R3HCC1L: variants seen among roughly 807,000 people sequenced by gnomAD.
R3HCC1L encodes the protein R3H domain and coiled-coil containing 1 like, also known as coiled-coil domain-containing protein R3HCC1L.
Under a neutral mutation model 59.9 loss-of-function variants are expected in R3HCC1L, and 51 were observed. The ratio of observed to expected loss-of-function variants is 0.85; its 90% confidence interval spans 0.68 to 1.07. R3HCC1L has a LOEUF of 1.07. Ranked by LOEUF, R3HCC1L falls within the 50% of genes least tolerant of loss-of-function variation. R3HCC1L has a pLI of 0.00. For synonymous variants in R3HCC1L, 322 were observed against 315.2 expected (o/e 1.02, Z -0.23); for missense variants, 965 against 933.0 (o/e 1.03, Z -0.45).
intron 5 of R3HCC1L, among the ~76,000 whole-genome samples, chr10:98,230,066 G>A (rs1185365878): frequency 6.6e-6 from 1 of 152,134 alleles, no homozygotes; most frequent in Non-Finnish European, 1.5e-5. Context: ...TCTCTGCCAG[G>A]CTTTGGTATC....
intron 4 of R3HCC1L, among the ~76,000 whole-genome samples, chr10:98,171,964 A>T (rs945682853): frequency 2.0e-5 from 3 of 152,210 alleles, no homozygotes; most frequent in African/African-American, 7.2e-5. Flanking sequence ...TTTAATATGT[A>T]TGCAAGAGAG....
At chr10:98,193,277 A>G (rs1398842044) in intron 4 of R3HCC1L, among the ~76,000 whole-genome samples, 1 of 152,134 alleles carries the variant, frequency 6.6e-6, no homozygotes, top group African/African-American at 2.4e-5. Context: ...TAGAGCAGTT[A>G]GACGAGAAAA....
intron 1 of R3HCC1L, among the ~76,000 whole-genome samples, chr10:98,141,193 T>C (rs937932893): frequency 6.6e-6 from 1 of 152,250 alleles, no homozygotes; most frequent in African/African-American, 2.4e-5. Flanking sequence ...GTACCCATTT[T>C]ATTCTCTTCC....
At chr10:98,148,103 T>C (rs1318222293) in intron 1 of R3HCC1L, among the ~76,000 whole-genome samples, 1 of 152,148 alleles carries the variant, frequency 6.6e-6, no homozygotes, top group Non-Finnish European at 1.5e-5. Context: ...TTTTATAATG[T>C]TCCTTGTATA....
At chr10:98,197,444 C>G (rs1851562289) in intron 4 of R3HCC1L, among the ~76,000 whole-genome samples, 1 of 152,108 alleles carries the variant, frequency 6.6e-6, no homozygotes. Context: ...GTATTTTCAT[C>G]TCTGCTCCAT....
In R3HCC1L at chr10:98,234,514, C is replaced by G. The variant is rs1225033853; in HGVS notation, c.2030C>G (p.Thr677Arg). 2.5e-6 allele frequency: 4 copies of G among 1,610,438 alleles called. No individual in the cohort carries two copies. The highest frequency in any genetic ancestry group is 3.4e-6 in the Non-Finnish European group (4 of 1,177,182). Reference protein sequence around the residue: ...HALGVFSSPITARDALGIKHT... With the variant: ...HALGVFSSPIRARDALGIKHT... ...CTAGGAGTATTCTCCAGTCCAATTA[C>G]AGGTATTCACCCAGTGGCTTTCAAT... is the stretch of plus-strand genomic sequence containing the variant. The change falls in exon 7 of 10, where the codon ACA becomes AGA. Residue 677 changes from threonine to arginine, a missense_variant and splice_region_variant. Thr to Arg is a moderately conservative substitution (Grantham distance 71). Coordinates refer to ENST00000298999, the MANE Select transcript of R3HCC1L (RefSeq NM_001351015.2).
At chr10:98,223,435 C>A (rs1855290647) in intron 5 of R3HCC1L, among the ~76,000 whole-genome samples, 1 of 151,204 alleles carries the variant, frequency 6.6e-6, no homozygotes. Flanking sequence ...TGTTATGTTT[C>A]CTTGCTTTTT....
chr10:98,189,385 A>G (rs1850591934), intron 4 of R3HCC1L, among the ~76,000 whole-genome samples: 2 of 152,092 alleles, frequency 1.3e-5, no homozygotes, highest in Admixed American at 1.3e-4. Context: ...GAACTGTTTG[A>G]CTTCTCATTC....
At chr10:98,202,811 G>A (rs1852200534) in intron 4 of R3HCC1L, among the ~76,000 whole-genome samples, 1 of 151,474 alleles carries the variant, frequency 6.6e-6, no homozygotes, top group Non-Finnish European at 1.5e-5. Context: ...AGCTGAGATT[G>A]TGCCACTGCA....
At chr10:98,222,196 A>G (rs541614122) in intron 5 of R3HCC1L, among the ~76,000 whole-genome samples, 135 of 152,292 alleles carry the variant, frequency 8.9e-4, no homozygotes, top group South Asian at 3.1e-3. Flanking sequence ...TTACTGGTGT[A>G]TAAGAATGCT....
At position 98,244,043 on chromosome 10, in the gene R3HCC1L, T is replaced by C. The variant is rs1857838092; in HGVS notation, c.2270-48T>C. On this transcript the variant is annotated intron_variant, in intron 9 of 9. Coordinates refer to ENST00000298999, the MANE Select transcript of R3HCC1L (RefSeq NM_001351015.2). Reference sequence around the variant, plus strand: ...GTAATTTGGATTAAGGGAAAGTCATTGGTTATATGAAGTAGACAACTGTGG... The same window carrying C: ...GTAATTTGGATTAAGGGAAAGTCATCGGTTATATGAAGTAGACAACTGTGG... 5 of 1,554,380 alleles carry C rather than the reference T, an allele frequency of 3.2e-6. No homozygotes were observed. In the South Asian group the frequency reaches 4.5e-5, roughly 14 times the overall value.
chr10:98,198,262 A>T (rs1195819419), intron 4 of R3HCC1L, among the ~76,000 whole-genome samples: 3 of 152,074 alleles, frequency 2.0e-5, no homozygotes, highest in African/African-American at 4.8e-5. Context: ...AAATCTTATG[A>T]TTTGCTTGTA....
At chr10:98,193,867 C>T (rs1851121652) in intron 4 of R3HCC1L, among the ~76,000 whole-genome samples, 1 of 152,148 alleles carries the variant, frequency 6.6e-6, no homozygotes, top group African/African-American at 2.4e-5. Context: ...TGATGCAATA[C>T]TGTTGTGGAT....
At position 98,158,056 on chromosome 10, in the gene R3HCC1L, C is replaced by T. The variant is rs78195592; in HGVS notation, c.-213+1909C>T. ...CATTGGAAAACCCACAAAAATGTTA[C>T]GTCTGTATTGTAAGAAAACTAGAAT... is the stretch of plus-strand genomic sequence containing the variant. On this transcript the variant is annotated intron_variant, in intron 2 of 9. Transcript: ENST00000298999. Among the ~76,000 whole-genome samples the T allele has an allele frequency of 3.8e-3, 586 of 152,208 alleles. 5 individuals are homozygous for T. Among genetic ancestry groups the T allele is most frequent in the African/African-American group, 0.013 (527 of 41,518 alleles).
intron 1 of R3HCC1L, among the ~76,000 whole-genome samples, chr10:98,149,721 G>A (rs1845968687): frequency 1.3e-5 from 2 of 152,078 alleles, no homozygotes; most frequent in South Asian, 4.1e-4. Flanking sequence ...CTGCTTTTTT[G>A]AATTTGTTCA....
intron 4 of R3HCC1L, among the ~76,000 whole-genome samples, chr10:98,196,671 C>T (rs1851468552): frequency 6.6e-6 from 1 of 152,164 alleles, no homozygotes; most frequent in African/African-American, 2.4e-5. Flanking sequence ...ATTAATCTGA[C>T]CACTTCTTAT....
At chr10:98,224,622 TTATAAATA>T (rs1466578821) in intron 5 of R3HCC1L, among the ~76,000 whole-genome samples, 1 of 152,246 alleles carries the variant, frequency 6.6e-6, no homozygotes, top group Non-Finnish European at 1.5e-5. Context: ...CATTTATGCT[TTATAAATA>T]GCAACACAGA....
intron 1 of R3HCC1L, among the ~76,000 whole-genome samples, chr10:98,154,372 T>A (rs73323847): frequency 0.046 from 6,969 of 152,152 alleles, 505 homozygotes; most frequent in African/African-American, 0.16. Flanking sequence ...ATATTGCAGC[T>A]GATGGCAGCT....
At chr10:98,180,091 G>A (rs994335226) in intron 4 of R3HCC1L, among the ~76,000 whole-genome samples, 1 of 151,938 alleles carries the variant, frequency 6.6e-6, no homozygotes. Flanking sequence ...TTTCTTGCCT[G>A]CTGCTAGCTT....
Sources: gnomAD v4.1 joint callset for allele counts (sites outside exome capture counted in the v4.1 genomes callset) on GRCh38, gnomAD v4.1.1 for gene constraint, MANE v1.5 for transcripts, NCBI Gene and HGNC (gene_info 2026-07-23, HGNC 2026-07-21) for gene names.